Variants in DYM observed in about 807,000 individuals in gnomAD.
DYM encodes the protein dymeclin.
Under a neutral mutation model 93.1 loss-of-function variants are expected in DYM, and 78 were observed. The ratio of observed to expected loss-of-function variants is 0.84; its 90% CI spans 0.70 to 1.01. The LOEUF (loss-of-function observed/expected upper bound fraction) is 1.01. Ranked by LOEUF, DYM falls within the 50% of genes least tolerant of loss-of-function variation. DYM has a pLI of 0.00. For synonymous variants in DYM, 321 were observed against 319.7 expected (o/e 1.00, Z -0.04); for missense variants, 789 against 845.0 (o/e 0.93, Z 0.82).
At chr18:49,050,521 G>A (rs903211971) in intron 17 of DYM, among the ~76,000 whole-genome samples, 2 of 152,084 alleles carry the variant, frequency 1.3e-5, no homozygotes, top group Non-Finnish European at 2.9e-5. Context: ...CCATCTTCCT[G>A]TAAGATCGTG....
chr18:49,093,179 G>C (rs1343998599), intron 17 of DYM: 1 of 152,178 alleles, frequency 6.6e-6, no homozygotes, highest in East Asian at 1.9e-4. Flanking sequence ...GTGAATCAGA[G>C]TGGGCTTCAT....
At chr18:49,271,970 TGA>T (rs1228068485) in intron 11 of DYM, among the ~76,000 whole-genome samples, 1 of 147,096 alleles carries the variant, frequency 6.8e-6, no homozygotes, top group Non-Finnish European at 1.5e-5. Context: ...AGAACCATTT[TGA>T]GAGAGTTTTT....
At chr18:49,118,445 T>C (rs928283287) in intron 16 of DYM, among the ~76,000 whole-genome samples, 19 of 152,296 alleles carry the variant, frequency 1.2e-4, no homozygotes, top group Admixed American at 5.2e-4. Context: ...GAAATTAAAA[T>C]GTGAGACTTT....
chr18:49,299,860 G>A (rs907777222), intron 8 of DYM, among the ~76,000 whole-genome samples: 7 of 151,574 alleles, frequency 4.6e-5, no homozygotes, highest in East Asian at 1.9e-4. Flanking sequence ...TGGCTAACAC[G>A]GTGAAACCCC....
At chr18:49,097,550 A>G in intron 16 of DYM, 35 bp from the exon 17 acceptor site, 1 of 1,576,074 alleles carries the variant, frequency 6.3e-7, no homozygotes. Flanking sequence ...AAACAAGAAG[A>G]GGTATGAAAT....
At chr18:49,100,687 T>A (rs1181431610) in intron 16 of DYM, among the ~76,000 whole-genome samples, 1 of 152,210 alleles carries the variant, frequency 6.6e-6, no homozygotes, top group Admixed American at 6.5e-5. Flanking sequence ...AACAAATCTA[T>A]CCTGAATGTT....
chr18:49,193,520 G>A (rs967575626), intron 14 of DYM, among the ~76,000 whole-genome samples: 6 of 152,144 alleles, frequency 3.9e-5, no homozygotes, highest in East Asian at 1.9e-4. Context: ...GTCACTCTTC[G>A]ATTCCCATTT....
chr18:49,123,701 C>T (rs1355999087), intron 15 of DYM, among the ~76,000 whole-genome samples: 1 of 152,104 alleles, frequency 6.6e-6, no homozygotes. Context: ...TTTTATGATT[C>T]ATCTATTATT....
chr18:49,121,145 C>A (rs2082340884), intron 15 of DYM, among the ~76,000 whole-genome samples: 2 of 152,120 alleles, frequency 1.3e-5, no homozygotes. Context: ...GAACTGTGAT[C>A]TACAAAATTT....
chr18:49,176,634 T>TGAACTTCTGGCCTC (rs1217892387), intron 14 of DYM, among the ~76,000 whole-genome samples: 1 of 150,170 alleles, frequency 6.7e-6, no homozygotes, highest in African/African-American at 2.5e-5. Flanking sequence ...GCACTGGTCT[T>TGAACTTCTGGCCTC]GAACTTCTGG....
intron 13 of DYM, among the ~76,000 whole-genome samples, chr18:49,230,325 T>C (rs755793034): frequency 1.6e-4 from 25 of 152,188 alleles, no homozygotes; most frequent in Admixed American, 9.8e-4. Flanking sequence ...TAAGCTCAAT[T>C]CTAATGTCCT....
chr18:49,164,088 C>T (rs1380230936), intron 14 of DYM, among the ~76,000 whole-genome samples: 1 of 152,014 alleles, frequency 6.6e-6, no homozygotes, highest in Non-Finnish European at 1.5e-5. Context: ...TGGCAAAAAC[C>T]TGAGATGTAG....
intron 17 of DYM, among the ~76,000 whole-genome samples, chr18:49,055,954 T>C (rs16950298): frequency 0.11 from 16,860 of 152,060 alleles, 1,285 homozygotes; most frequent in East Asian, 0.26. Context: ...AACAACGGCT[T>C]CCCGCTGCTG....
At chr18:49,056,373 GA>G (rs2075482299) in intron 17 of DYM, among the ~76,000 whole-genome samples, 1 of 152,226 alleles carries the variant, frequency 6.6e-6, no homozygotes, top group African/African-American at 2.4e-5. Flanking sequence ...GATGTGATCA[GA>G]AATCAAACAG....
chr18:49,398,936 T>A (rs1367703427), intron 2 of DYM, among the ~76,000 whole-genome samples: 4 of 152,210 alleles, frequency 2.6e-5, no homozygotes, highest in Admixed American at 2.6e-4. Context: ...CTAGACCACA[T>A]GCATAAAATC....
chr18:49,147,911 C>A (rs898553233), intron 15 of DYM, among the ~76,000 whole-genome samples: 1 of 152,158 alleles, frequency 6.6e-6, no homozygotes. Context: ...TATTGCGGCA[C>A]TATTCACGAT....
intron 3 of DYM, chr18:49,390,850 T>G (rs2069161211): frequency 1.3e-5 from 2 of 152,902 alleles, no homozygotes. Context: ...ACTTATTACA[T>G]TCCTGTACCC....
At position 49,042,820 on chromosome 18, in the gene DYM, C is replaced by T. The variant is rs900629930; in HGVS notation, c.*1235G>A. ...TGTGGCCCCAGTGGCTGTTTCCCTG[C>T]AAGAAGCTCCTTCCTCCAGCTCAGG... On this transcript the variant is annotated 3_prime_UTR_variant, in exon 18 of 18. Transcript: ENST00000675505. The T allele has an allele frequency of 6.6e-6, 1 of 152,240 alleles. No homozygotes were observed. The highest frequency in any genetic ancestry group is 2.4e-5 in the African/African-American group (1 of 41,456). The allele number at this position is 152,240 out of a possible 1,614,324, so 9.4% of individuals were successfully genotyped here. A position where few individuals can be genotyped will look rare whatever the true frequency, so the allele number is the denominator to read the frequency against.
chr18:49,112,765 C>T (rs905856421), intron 16 of DYM, among the ~76,000 whole-genome samples: 24 of 152,132 alleles, frequency 1.6e-4, no homozygotes, highest in Admixed American at 1.1e-3. Context: ...TACCCTGTAA[C>T]CATCTGCCCC....
Sources: gnomAD v4.1 joint callset for allele counts (sites outside exome capture counted in the v4.1 genomes callset) on GRCh38, gnomAD v4.1.1 for gene constraint, MANE v1.5 for transcripts, NCBI Gene and HGNC (gene_info 2026-07-23, HGNC 2026-07-21) for gene names.